CPA6: variants seen among roughly 807,000 people sequenced by gnomAD.
CPA6 encodes the protein carboxypeptidase B.
A neutral mutation model predicts 63.3 loss-of-function variants in CPA6; 58 were observed. The observed-to-expected ratio is 0.92, with a 90% CI of 0.74 to 1.14. The LOEUF is 1.14. Among genes scored for constraint, CPA6 ranks in the 50% most tolerant of loss-of-function variants. The probability of loss-of-function intolerance (pLI) is 0.00; values close to 1 mark genes in which losing one functional copy is unlikely to be tolerated. For synonymous variants in CPA6, 185 were observed against 179.0 expected (o/e 1.03, Z -0.27); for missense variants, 565 against 526.6 (o/e 1.07, Z -0.71).
At chr8:67,542,359 G>T (rs1407880932) in intron 2 of CPA6, among the ~76,000 whole-genome samples, 2 of 152,168 alleles carry the variant, frequency 1.3e-5, no homozygotes, top group Non-Finnish European at 2.9e-5. Flanking sequence ...TCTTAGTAGC[G>T]CTAAACCAGC....
Position 67,684,001 on chromosome 8 carries a change from G to GTGTATATA in CPA6, c.117-59751_117-59750insTATATACA, listed in dbSNP as rs1214064613. Among the ~76,000 whole-genome samples the GTGTATATA allele has an allele frequency of 1.1e-3, 128 of 116,982 alleles. 2 individuals carry two copies. Among genetic ancestry groups the GTGTATATA allele is most frequent in the African/African-American group, 3.9e-3 (124 of 31,954 alleles). 76.7% of individuals were successfully genotyped at this position (116,982 alleles called of 152,430 possible). ...TGTTATGTCTGGCTGATTTTAAAAT[G>GTGTATATA]TATATATATATATATATATATATAT... On this transcript the variant is annotated intron_variant, in intron 1 of 10. Coordinates refer to ENST00000297770, the MANE Select transcript of CPA6 (RefSeq NM_020361.5).
chr8:67,529,364 G>A (rs7017897), intron 2 of CPA6, among the ~76,000 whole-genome samples: 2 of 151,922 alleles, frequency 1.3e-5, no homozygotes, highest in Non-Finnish European at 2.9e-5. Flanking sequence ...GAGATGAGAG[G>A]TGGGATATCA....
At chr8:67,738,138 G>T (rs1422258608) in intron 1 of CPA6, among the ~76,000 whole-genome samples, 1 of 152,156 alleles carries the variant, frequency 6.6e-6, no homozygotes, top group African/African-American at 2.4e-5. Context: ...GTAGTCATTG[G>T]ATATCAGAGT....
At chr8:67,655,893 T>C (rs1815971628) in intron 1 of CPA6, among the ~76,000 whole-genome samples, 1 of 152,184 alleles carries the variant, frequency 6.6e-6, no homozygotes, top group South Asian at 2.1e-4. Context: ...TGTCTTTGTA[T>C]AGAATTTTCC....
At chr8:67,706,111 A>G (rs554507871) in intron 1 of CPA6, among the ~76,000 whole-genome samples, 1 of 152,204 alleles carries the variant, frequency 6.6e-6, no homozygotes, top group African/African-American at 2.4e-5. Context: ...AAGATTCATG[A>G]AAGGAATTTA....
intron 1 of CPA6, among the ~76,000 whole-genome samples, chr8:67,645,524 T>C (rs1716942919): frequency 6.6e-6 from 1 of 152,168 alleles, no homozygotes; most frequent in African/African-American, 2.4e-5. Context: ...CAGAAAAGTA[T>C]AAATTGAAAG....
At chr8:67,590,643 T>C (rs1402146036) in intron 2 of CPA6, among the ~76,000 whole-genome samples, 2 of 152,356 alleles carry the variant, frequency 1.3e-5, no homozygotes, top group African/African-American at 4.8e-5. Flanking sequence ...TGGCCAGTGA[T>C]GATGAGCATT....
At chr8:67,465,174 T>A (rs1160124224) in intron 8 of CPA6, among the ~76,000 whole-genome samples, 1 of 152,238 alleles carries the variant, frequency 6.6e-6, no homozygotes, top group Non-Finnish European at 1.5e-5. Context: ...TTGTGTCATG[T>A]AAGATTTCTT....
At chr8:67,631,684 T>C (rs904298076) in intron 1 of CPA6, among the ~76,000 whole-genome samples, 1 of 152,212 alleles carries the variant, frequency 6.6e-6, no homozygotes, top group Non-Finnish European at 1.5e-5. Flanking sequence ...CTGTGTAAAC[T>C]TTGTTCTTTT....
rs869189030 is a variant in CPA6, at chr8:67,660,322, G to GTTTTTTTTTT, written c.117-36081_117-36072dup. 1.2e-4 allele frequency among the ~76,000 whole-genome samples: 9 copies of GTTTTTTTTTT among 73,908 alleles called. 1 individual carries two copies. The highest frequency in any genetic ancestry group is 1.9e-4 in the African/African-American group (3 of 15,786). 48.5% of individuals were successfully genotyped at this position (73,908 alleles called of 152,430 possible). A position where few individuals can be genotyped will look rare whatever the true frequency, so the allele number is the denominator to read the frequency against. On this transcript the variant is annotated intron_variant, in intron 1 of 10. Transcript: ENST00000297770. ...ACATGGTAAAAGTTAATTATTGCAG[G>GTTTTTTTTTT]TTTTTTTTTTTTTTTTTTTTTTTTT...
At chr8:67,481,556 G>A (rs1047666237) in intron 8 of CPA6, among the ~76,000 whole-genome samples, 4 of 152,152 alleles carry the variant, frequency 2.6e-5, no homozygotes, top group African/African-American at 9.7e-5. Context: ...ATGGTAAAAA[G>A]CAGTTTCATG....
chr8:67,587,493 G>C (rs1022925723), intron 2 of CPA6, among the ~76,000 whole-genome samples: 1 of 152,116 alleles, frequency 6.6e-6, no homozygotes, highest in South Asian at 2.1e-4. Context: ...ATTGACAATT[G>C]ATGTAAGGTG....
At chr8:67,661,071 C>G (rs768489254) in intron 1 of CPA6, among the ~76,000 whole-genome samples, 1 of 152,144 alleles carries the variant, frequency 6.6e-6, no homozygotes, top group Non-Finnish European at 1.5e-5. Flanking sequence ...TAAGGAAATG[C>G]TCACACACAA....
In CPA6 at chr8:67,733,196, C is replaced by CAAAAAAAA. The variant is rs1211323183; in HGVS notation, c.116+12810_116+12817dup. On this transcript the variant is annotated intron_variant, in intron 1 of 10. Coordinates refer to ENST00000297770, the MANE Select transcript of CPA6 (RefSeq NM_020361.5). ...TGGGCTACAGAGCGAGACTCCATCT[C>CAAAAAAAA]AAAAAAAAAAAAAAAAAAAAAAAAA... Among the ~76,000 whole-genome samples, 145 of 14,836 alleles carry CAAAAAAAA rather than the reference C, an allele frequency of 9.8e-3. 14 individuals are homozygous for CAAAAAAAA. Among genetic ancestry groups the CAAAAAAAA allele is most frequent in the African/African-American group, 0.014 (66 of 4,758 alleles). 9.7% of individuals were successfully genotyped at this position (14,836 alleles called of 152,430 possible).
chr8:67,712,965 C>A lies in CPA6; in HGVS notation c.116+33049G>T, dbSNP rs146261629. ...ACCCTTATTTCACTCAATAATAGCC[C>A]CAAAGTGCAAAGAGTCATGATTAAA... On this transcript the variant is annotated intron_variant, in intron 1 of 10. Transcript: ENST00000297770. 8.0e-4 allele frequency among the ~76,000 whole-genome samples: 121 copies of A among 151,132 alleles called. 2 individuals carry two copies. The East Asian group carries it at 0.021, about 26-fold the overall frequency.
chr8:67,709,928 T>C (rs952475218), intron 1 of CPA6, among the ~76,000 whole-genome samples: 1 of 151,862 alleles, frequency 6.6e-6, no homozygotes, highest in Non-Finnish European at 1.5e-5. Flanking sequence ...CTGGCCAACA[T>C]GGTGAAACCC....
At chr8:67,601,694 A>T (rs897317455) in intron 2 of CPA6, among the ~76,000 whole-genome samples, 1 of 152,156 alleles carries the variant, frequency 6.6e-6, no homozygotes, top group Non-Finnish European at 1.5e-5. Flanking sequence ...TATTCGGTCT[A>T]TTTTGTCTCT....
At chr8:67,597,852 C>A (rs75250403) in intron 2 of CPA6, among the ~76,000 whole-genome samples, 2,888 of 152,176 alleles carry the variant, frequency 0.019, 38 homozygotes, top group African/African-American at 0.039. Context: ...TATCTTATTG[C>A]CTTATATATT....
At chr8:67,468,626 T>TAA (rs1554665972) in intron 8 of CPA6, among the ~76,000 whole-genome samples, 27 of 143,350 alleles carry the variant, frequency 1.9e-4, no homozygotes, top group East Asian at 8.0e-4. Flanking sequence ...TAAAATAAAA[T>TAA]AATAATAATA....
Sources: allele counts gnomAD v4.1 joint callset (sites outside exome capture counted in the v4.1 genomes callset), GRCh38; gene constraint gnomAD v4.1.1; transcripts MANE v1.5; gene names NCBI Gene and HGNC (gene_info 2026-07-23, HGNC 2026-07-21).